Variants in ARHGAP23 observed in about 807,000 individuals in gnomAD.
The protein encoded by ARHGAP23 is rho GTPase-activating protein 23.
A neutral mutation model predicts 136.3 loss-of-function variants in ARHGAP23; 34 were observed. That is an observed-to-expected ratio of 0.25 (90% CI 0.19 to 0.33). The LOEUF is 0.33. Ranked by LOEUF, ARHGAP23 falls within the 10% of genes least tolerant of loss-of-function variation. ARHGAP23 has a pLI of 1.00. For synonymous variants in ARHGAP23, 832 were observed against 920.5 expected (o/e 0.90, Z 1.74); for missense variants, 1,808 against 2,139.0 (o/e 0.85, Z 3.05).
At chr17:38,472,375 G>T (rs564792729) in intron 11 of ARHGAP23, among the ~76,000 whole-genome samples, 28 of 152,058 alleles carry the variant, frequency 1.8e-4, no homozygotes, top group Admixed American at 1.4e-3. Flanking sequence ...CCAAGAAGAC[G>T]CAGGCAAGCC....
intron 17 of ARHGAP23, among the ~76,000 whole-genome samples, chr17:38,488,056 C>T (rs1266507243): frequency 6.6e-6 from 1 of 151,882 alleles, no homozygotes; most frequent in African/African-American, 2.4e-5. Flanking sequence ...TTTGTGCCAC[C>T]ACACCCAGCT....
intron 17 of ARHGAP23, among the ~76,000 whole-genome samples, chr17:38,487,293 C>T (rs2144739836): frequency 6.6e-6 from 1 of 152,322 alleles, no homozygotes; most frequent in East Asian, 1.9e-4. Context: ...ACTACAATTT[C>T]TTTAAGTACT....
At chr17:38,475,072 C>T (rs549403642) in intron 11 of ARHGAP23, among the ~76,000 whole-genome samples, 10 of 152,232 alleles carry the variant, frequency 6.6e-5, no homozygotes, top group South Asian at 4.1e-4. Flanking sequence ...GGCCAAAACC[C>T]GATATCACTT....
intron 16 of ARHGAP23, among the ~76,000 whole-genome samples, chr17:38,484,263 G>T (rs200291668): frequency 7.9e-5 from 12 of 152,028 alleles, no homozygotes; most frequent in Non-Finnish European, 1.6e-4. Flanking sequence ...AGGAAGAGCC[G>T]CATGTTTGAG....
Position 38,466,369 on chromosome 17 carries a change from G to A in ARHGAP23, c.686G>A (p.Gly229Glu). Residue 229 changes from glycine to glutamate, a missense_variant, in exon 7 of 24, where the codon GGG (glycine) becomes GAG (glutamate). Gly to Glu is a moderately conservative substitution (Grantham distance 98). This residue lies in a region of ARHGAP23 where 859 missense variants were observed against 936.4 expected (regional missense o/e 0.92). Coordinates refer to ENST00000622683, the MANE Select transcript of ARHGAP23 (RefSeq NM_001199417.2). Reference sequence around the variant, plus strand: ...AGTCCTGCTGCCTGGAGTGACCCGGGGCTCCGTGTGCCACCTGCTGCCCGT... The same window carrying A: ...AGTCCTGCTGCCTGGAGTGACCCGGAGCTCCGTGTGCCACCTGCTGCCCGT... ...PRSPAAWSDPGLRVPPAARAH... is the reference protein window; with the variant it reads ...PRSPAAWSDPELRVPPAARAH... 6.5e-7 allele frequency: 1 copy of A among 1,537,900 alleles called. No individual in the cohort carries two copies. The highest frequency in any genetic ancestry group is 8.7e-7 in the Non-Finnish European group (1 of 1,143,686).
At chr17:38,476,349 TGATG>T (rs1050751626) in intron 11 of ARHGAP23, among the ~76,000 whole-genome samples, 1 of 152,090 alleles carries the variant, frequency 6.6e-6, no homozygotes, top group Non-Finnish European at 1.5e-5. Flanking sequence ...TGTGACTTCC[TGATG>T]GATGGGATGT....
At chr17:38,436,792 G>A (rs984966471) in intron 1 of ARHGAP23, among the ~76,000 whole-genome samples, 1 of 152,204 alleles carries the variant, frequency 6.6e-6, no homozygotes, top group Non-Finnish European at 1.5e-5. Flanking sequence ...TCTGACTGGG[G>A]TGATGGACCT....
At chr17:38,506,784 A>C (rs1272244310) in intron 23 of ARHGAP23, among the ~76,000 whole-genome samples, 1 of 152,120 alleles carries the variant, frequency 6.6e-6, no homozygotes, top group Non-Finnish European at 1.5e-5. Context: ...GGGCTTCCAC[A>C]TGTGAGTTTG....
At chr17:38,457,648 G>T (rs1056337082) in intron 1 of ARHGAP23, 3 of 195,390 alleles carry the variant, frequency 1.5e-5, no homozygotes, top group Non-Finnish European at 2.1e-5. Context: ...ATGTGGCTGG[G>T]GCTGTGTCTG....
chr17:38,494,572 A>T (rs2040348484), intron 20 of ARHGAP23, among the ~76,000 whole-genome samples: 2 of 152,212 alleles, frequency 1.3e-5, no homozygotes, highest in African/African-American at 4.8e-5. Context: ...ACACACACAC[A>T]CACACAAAAA....
intron 2 of ARHGAP23, among the ~76,000 whole-genome samples, chr17:38,459,176 C>T (rs1241901102): frequency 6.6e-6 from 1 of 152,208 alleles, no homozygotes; most frequent in African/African-American, 2.4e-5. Context: ...GGACCGGGAT[C>T]TGCCTGTACA....
chr17:38,479,937 A>ATTGGGGT, intron 14 of ARHGAP23, 54 bp downstream of exon 14: 1 of 746,950 alleles, frequency 1.3e-6, no homozygotes, highest in Non-Finnish European at 2.0e-6. Context: ...GGGCATGGGG[A>ATTGGGGT]GGGGAGGGCA....
chr17:38,469,772 G>T, intron 9 of ARHGAP23, 75 bp from the exon 10 acceptor site: 1 of 1,530,128 alleles, frequency 6.5e-7, no homozygotes, highest in Non-Finnish European at 8.9e-7. Flanking sequence ...CTGGGCTTGG[G>T]GTTTGGTGGG....
At chr17:38,491,000 C>T (rs1359791469) in intron 19 of ARHGAP23, among the ~76,000 whole-genome samples, 1 of 152,234 alleles carries the variant, frequency 6.6e-6, no homozygotes, top group Non-Finnish European at 1.5e-5. Flanking sequence ...CTTACTGCAA[C>T]CTTCGCCTCC....
upstream of ARHGAP23, among the ~76,000 whole-genome samples, chr17:38,423,846 G>C (rs530240978): frequency 6.6e-6 from 1 of 152,308 alleles, no homozygotes; most frequent in African/African-American, 2.4e-5. Flanking sequence ...ACCAGGGGAT[G>C]CTCTTTCTCC....
intron 1 of ARHGAP23, among the ~76,000 whole-genome samples, chr17:38,447,437 G>GAAAAAAAAAAAAAAAAA (rs71138625): frequency 3.9e-4 from 10 of 25,644 alleles, no homozygotes; most frequent in African/African-American, 4.4e-4. Context: ...GACTCCGTCT[G>GAAAAAAAAAAAAAAAAA]AAAAAAAAAA....
chr17:38,496,798 C>T (rs1330962393), intron 20 of ARHGAP23, among the ~76,000 whole-genome samples: 1 of 152,058 alleles, frequency 6.6e-6, no homozygotes, highest in Non-Finnish European at 1.5e-5. Context: ...ACTAAAAATA[C>T]AAAAATTATC....
Position 38,463,396 on chromosome 17 carries a change from C to T in ARHGAP23, c.483+14C>T, listed in dbSNP as rs1209775624. ...ATCCTCCAGCTGGTGAGTCCAGCCC[C>T]TGTGGCCTGAGAGGAGACCCCTGAG... On this transcript the variant is annotated intron_variant, in intron 6 of 23. Coordinates refer to ENST00000622683, the MANE Select transcript of ARHGAP23 (RefSeq NM_001199417.2). The T allele has an allele frequency of 6.4e-6, 10 of 1,551,556 alleles. No homozygotes were observed. The highest frequency in any genetic ancestry group is 8.7e-6 in the Non-Finnish European group (10 of 1,146,952).
intron 14 of ARHGAP23, among the ~76,000 whole-genome samples, chr17:38,480,643 A>T (rs1485535561): frequency 2.0e-5 from 3 of 151,234 alleles, no homozygotes; most frequent in African/African-American, 7.3e-5. Context: ...CAAAAAAAAA[A>T]ATACAATAAA....
Sources: gnomAD v4.1 joint callset for allele counts (sites outside exome capture counted in the v4.1 genomes callset) on GRCh38, gnomAD v4.1.1 for gene constraint, gnomAD v4.1.1 regional missense constraint, MANE v1.5 for transcripts, NCBI Gene and HGNC (gene_info 2026-07-23, HGNC 2026-07-21) for gene names.